CDH18: variants seen among roughly 807,000 people sequenced by gnomAD.
The protein encoded by CDH18 is cadherin-18.
CDH18 carries 31 observed loss-of-function variants against 67.9 expected under a neutral mutation model. That is an observed-to-expected ratio of 0.46 (90% CI 0.34 to 0.62). CDH18 has a LOEUF of 0.62. Ranked by LOEUF, CDH18 falls within the 20% of genes least tolerant of loss-of-function variation. The pLI is 0.01. For synonymous variants in CDH18, 362 were observed against 347.2 expected, an observed-to-expected ratio of 1.04 and a Z score of -0.48; for missense variants, 890 against 975.5, an observed-to-expected ratio of 0.91 and a Z score of 1.17.
chr5:19,497,022 T>C (rs1463015730), intron 11 of CDH18, among the ~76,000 whole-genome samples: 1 of 152,044 alleles, frequency 6.6e-6, no homozygotes, highest in African/African-American at 2.4e-5. Context: ...GTCTCAGGTA[T>C]TCCACTATAG....
chr5:19,956,322 C>CT (rs1796253633), intron 2 of CDH18, among the ~76,000 whole-genome samples: 1 of 151,838 alleles, frequency 6.6e-6, no homozygotes, highest in Non-Finnish European at 1.5e-5. Context: ...CAATTTTAAT[C>CT]TTTTTGATCT....
At chr5:20,026,218 G>A (rs1487564381) in intron 2 of CDH18, among the ~76,000 whole-genome samples, 1 of 152,184 alleles carries the variant, frequency 6.6e-6, no homozygotes, top group Non-Finnish European at 1.5e-5. Flanking sequence ...TTTGTCATAT[G>A]AGAATCCGTA....
chr5:20,145,159 A>C (rs1043846280), intron 2 of CDH18, among the ~76,000 whole-genome samples: 5 of 152,190 alleles, frequency 3.3e-5, no homozygotes, highest in Non-Finnish European at 7.3e-5. Context: ...TTTTTAAAAA[A>C]ATAAAAAATA....
intron 2 of CDH18, among the ~76,000 whole-genome samples, chr5:20,040,383 G>A (rs1177568992): frequency 6.6e-6 from 1 of 152,084 alleles, no homozygotes; most frequent in Non-Finnish European, 1.5e-5. Flanking sequence ...GGAGAAAAGA[G>A]GCTTTTCCAT....
chr5:19,862,553 G>T (rs1331725687), intron 2 of CDH18, among the ~76,000 whole-genome samples: 1 of 152,136 alleles, frequency 6.6e-6, no homozygotes, highest in Non-Finnish European at 1.5e-5. Flanking sequence ...GAAATAGGAG[G>T]ATTCTCACCT....
intron 2 of CDH18, among the ~76,000 whole-genome samples, chr5:20,120,071 T>G (rs79753888): frequency 0.046 from 7,050 of 152,202 alleles, 400 homozygotes; most frequent in East Asian, 0.27. Context: ...GTTTGATAGG[T>G]AGCAAAGACT....
intron 1 of CDH18, among the ~76,000 whole-genome samples, chr5:20,292,948 A>C (rs75399637): frequency 0.013 from 1,997 of 152,198 alleles, 54 homozygotes; most frequent in African/African-American, 0.046. Context: ...CACAGGTACT[A>C]GGGGTTAGGG....
intron 1 of CDH18, chr5:20,304,662 T>G (rs1580709507): frequency 6.2e-7 from 1 of 1,611,810 alleles, no homozygotes; most frequent in East Asian, 2.2e-5. Flanking sequence ...TCGCTCCTAG[T>G]GATGATGGGT....
At chr5:20,402,079 C>A (rs1285969400) in intron 1 of CDH18, among the ~76,000 whole-genome samples, 1 of 152,104 alleles carries the variant, frequency 6.6e-6, no homozygotes, top group Non-Finnish European at 1.5e-5. Context: ...CCTTACTTCA[C>A]AAAATTTGTA....
At position 20,056,392 on chromosome 5, in the gene CDH18, G is replaced by T. The variant is rs563737094; in HGVS notation, c.-517-64378C>A. 0.029 allele frequency among the ~76,000 whole-genome samples: 3,271 copies of T among 111,850 alleles called. 218 individuals carry two copies. In the East Asian group the frequency reaches 0.32, roughly 11 times the overall value. The allele number at this position is 111,850 out of a possible 152,430, so 73.4% of individuals were successfully genotyped here. Reference sequence around the variant, plus strand: ...CAGGAATGGACAAGCTGTTTTTTTTGTTTGTTTGTTTGTTTTTTAATCTTT... The same window carrying T: ...CAGGAATGGACAAGCTGTTTTTTTTTTTTGTTTGTTTGTTTTTTAATCTTT... On this transcript the variant is annotated intron_variant, in intron 2 of 14. Transcript: ENST00000507958.
intron 5 of CDH18, among the ~76,000 whole-genome samples, chr5:19,659,894 A>G (rs1230432822): frequency 6.6e-6 from 1 of 152,100 alleles, no homozygotes; most frequent in Admixed American, 6.6e-5. Context: ...ATAGCAGCAC[A>G]AATGCACTAC....
chr5:20,443,832 A>G (rs1581009375), intron 1 of CDH18, among the ~76,000 whole-genome samples: 1 of 151,910 alleles, frequency 6.6e-6, no homozygotes, highest in African/African-American at 2.4e-5. Flanking sequence ...AATTATCTCT[A>G]TCATTCTCAA....
intron 1 of CDH18, among the ~76,000 whole-genome samples, chr5:20,521,353 T>C (rs1052088333): frequency 1.3e-5 from 2 of 152,202 alleles, no homozygotes; most frequent in Non-Finnish European, 2.9e-5. Flanking sequence ...TCAAGCCTTC[T>C]GTCCACAAAG....
intron 1 of CDH18, among the ~76,000 whole-genome samples, chr5:20,319,023 C>A (rs1737733242): frequency 1.3e-5 from 2 of 152,146 alleles, no homozygotes; most frequent in African/African-American, 4.8e-5. Flanking sequence ...TGGAATAGGA[C>A]CCCACGGTCT....
At chr5:20,376,750 C>CT (rs1743478683) in intron 1 of CDH18, among the ~76,000 whole-genome samples, 1 of 152,048 alleles carries the variant, frequency 6.6e-6, no homozygotes, top group African/African-American at 2.4e-5. Flanking sequence ...GGCGTGGTGG[C>CT]TCACACATGT....
At chr5:19,710,080 A>G (rs1392841801) in intron 5 of CDH18, among the ~76,000 whole-genome samples, 1 of 152,182 alleles carries the variant, frequency 6.6e-6, no homozygotes, top group Non-Finnish European at 1.5e-5. Context: ...AGTTGAAGTG[A>G]GTCAAGGTCA....
At chr5:19,927,681 T>A (rs1382059505) in intron 2 of CDH18, among the ~76,000 whole-genome samples, 1 of 152,180 alleles carries the variant, frequency 6.6e-6, no homozygotes, top group Non-Finnish European at 1.5e-5. Context: ...GACATGTAAT[T>A]TTTTGGAGAT....
intron 1 of CDH18, among the ~76,000 whole-genome samples, chr5:20,562,399 C>T (rs576038429): frequency 1.3e-5 from 2 of 151,520 alleles, no homozygotes; most frequent in African/African-American, 4.8e-5. Flanking sequence ...TCAAGGCAAC[C>T]TTATGTACCT....
At chr5:19,609,111 G>A (rs1410512918) in intron 6 of CDH18, among the ~76,000 whole-genome samples, 2 of 151,870 alleles carry the variant, frequency 1.3e-5, no homozygotes, top group African/African-American at 4.8e-5. Context: ...ACTAGAATAG[G>A]AAATGGCAGA....
Sources: gnomAD v4.1 joint callset for allele counts (sites outside exome capture counted in the v4.1 genomes callset) on GRCh38, gnomAD v4.1.1 for gene constraint, MANE v1.5 for transcripts, NCBI Gene and HGNC (gene_info 2026-07-23, HGNC 2026-07-21) for gene names.